Variants in LINGO2 observed in about 807,000 individuals in gnomAD.
LINGO2 encodes the protein leucine-rich repeat and immunoglobulin-like domain-containing nogo receptor-interacting protein 2.
In LINGO2, 14 loss-of-function variants were observed where a neutral mutation model predicts 30.6. The observed-to-expected ratio is 0.46, with a 90% CI of 0.30 to 0.72. The LOEUF is 0.72. LINGO2 is among the 30% of genes least tolerant of loss of function. The pLI, the probability that LINGO2 is intolerant of heterozygous loss-of-function variation, is 0.07. For synonymous variants in LINGO2, 317 were observed against 288.5 expected, an observed-to-expected ratio of 1.10 and a Z score of -1.00; for missense variants, 729 against 751.7, an observed-to-expected ratio of 0.97 and a Z score of 0.35.
At chr9:28,993,278 A>C in the LINGO2 span, among the ~76,000 whole-genome samples, 1 of 152,124 alleles carries the variant, frequency 6.6e-6, no homozygotes, top group South Asian at 2.1e-4. Flanking sequence ...GAAATGGATA[A>C]ATTCCTCGAC....
At chr9:29,089,455 A>T in the LINGO2 span, among the ~76,000 whole-genome samples, 10 of 152,040 alleles carry the variant, frequency 6.6e-5, no homozygotes, top group African/African-American at 2.4e-4. Context: ...ATAAATAATG[A>T]TATAAACTAA....
intron 1 of LINGO2, among the ~76,000 whole-genome samples, chr9:28,614,691 A>G (rs187422836): frequency 3.5e-4 from 54 of 152,276 alleles, no homozygotes; most frequent in African/African-American, 1.1e-3. Context: ...TTGCACCTCA[A>G]GCCTACTAGA....
At chr9:28,643,364 A>T (rs1827689058) in intron 1 of LINGO2, among the ~76,000 whole-genome samples, 2 of 152,064 alleles carry the variant, frequency 1.3e-5, no homozygotes, top group South Asian at 4.1e-4. Context: ...GGAACAGAAT[A>T]GAAGACCCCA....
intron 4 of LINGO2, among the ~76,000 whole-genome samples, chr9:28,260,008 A>G (rs1461121691): frequency 6.6e-6 from 1 of 151,818 alleles, no homozygotes; most frequent in Non-Finnish European, 1.5e-5. Context: ...ATTGTGCCCC[A>G]TGGACAACCC....
At chr9:27,943,546 T>C (rs552642773), downstream of LINGO2, 3 of 152,096 alleles carry the variant, frequency 2.0e-5, no homozygotes, top group Non-Finnish European at 1.5e-5. Flanking sequence ...AACCTGCAGA[T>C]TGCTGTCAGC....
the LINGO2 span, among the ~76,000 whole-genome samples, chr9:28,730,808 C>T: frequency 6.6e-6 from 1 of 152,212 alleles, no homozygotes; most frequent in East Asian, 1.9e-4. Context: ...GAATAGTTTT[C>T]TATTCTGAAA....
chr9:28,992,951 A>G, the LINGO2 span, among the ~76,000 whole-genome samples: 17 of 151,504 alleles, frequency 1.1e-4, no homozygotes, highest in Non-Finnish European at 2.1e-4. Context: ...CACAATTAAA[A>G]GAACTAGAAA....
In LINGO2 at chr9:28,169,384, G is replaced by C. The variant is rs569827687; in HGVS notation, c.-87+125824C>G. ...TTTTTACTGTATTTAAAGTACAGTA[G>C]TCCAGAATTTCCAATCAGAATAAGA... On this transcript the variant is annotated intron_variant, in intron 4 of 5. Transcript: ENST00000379992. Among the ~76,000 whole-genome samples the C allele has an allele frequency of 3.3e-5, 5 of 152,268 alleles. No individual in the cohort carries two copies. The South Asian group carries it at 8.3e-4, about 25-fold the overall frequency.
At chr9:28,056,344 T>A (rs897534155) in intron 4 of LINGO2, among the ~76,000 whole-genome samples, 1 of 152,164 alleles carries the variant, frequency 6.6e-6, no homozygotes. Flanking sequence ...CAGTTTGCTG[T>A]TTACTCGTAC....
intron 4 of LINGO2, among the ~76,000 whole-genome samples, chr9:28,245,809 G>C (rs1303251629): frequency 6.6e-6 from 1 of 152,056 alleles, no homozygotes; most frequent in East Asian, 1.9e-4. Context: ...CAAGCAAATG[G>C]AAAAACATTG....
the LINGO2 span, among the ~76,000 whole-genome samples, chr9:29,118,673 A>G: frequency 1.3e-5 from 2 of 152,094 alleles, no homozygotes; most frequent in Admixed American, 6.5e-5. Context: ...CTCAGCTCCA[A>G]ATCTACTTCT....
intron 1 of LINGO2, among the ~76,000 whole-genome samples, chr9:28,502,131 G>GACACACACACACAC (rs57545947): frequency 4.1e-5 from 6 of 147,028 alleles, no homozygotes; most frequent in South Asian, 2.2e-4. Context: ...GAGAAACACA[G>GACACACACACACAC]ACACACACAC....
intron 2 of LINGO2, among the ~76,000 whole-genome samples, chr9:28,454,239 A>G (rs1039962284): frequency 2.0e-5 from 3 of 152,034 alleles, no homozygotes; most frequent in African/African-American, 7.2e-5. Context: ...TACCAACACA[A>G]GTCACTTTTC....
the LINGO2 span, among the ~76,000 whole-genome samples, chr9:28,828,177 A>T: frequency 6.6e-6 from 1 of 151,930 alleles, no homozygotes. Flanking sequence ...TTATGAACAT[A>T]AATGTTACAT....
chr9:28,830,233 G>C, the LINGO2 span, among the ~76,000 whole-genome samples: 1 of 152,106 alleles, frequency 6.6e-6, no homozygotes, highest in Non-Finnish European at 1.5e-5. Context: ...TTGCTTCTTG[G>C]GCTGATGGAA....
intron 4 of LINGO2, among the ~76,000 whole-genome samples, chr9:28,044,409 C>G (rs1426919459): frequency 3.9e-5 from 6 of 152,202 alleles, no homozygotes; most frequent in Admixed American, 2.6e-4. Flanking sequence ...GGGAAGGAGA[C>G]AGTGGGGGCT....
At chr9:28,960,976 G>C in the LINGO2 span, among the ~76,000 whole-genome samples, 1 of 152,030 alleles carries the variant, frequency 6.6e-6, no homozygotes, top group South Asian at 2.1e-4. Context: ...CAGGAATGGA[G>C]GAAGCACCAT....
the LINGO2 span, among the ~76,000 whole-genome samples, chr9:28,699,042 A>AAAAACAAAAC: frequency 0.15 from 23,223 of 149,844 alleles, 2,078 homozygotes; most frequent in East Asian, 0.27. Context: ...ACCCTGCCTC[A>AAAAACAAAAC]AAAACAAAAC....
At position 27,949,323 on chromosome 9, in the gene LINGO2, C is replaced by T. The variant is rs750277332; in HGVS notation, c.1349G>A (p.Arg450His). 8.7e-6 allele frequency: 14 copies of T among 1,613,972 alleles called. No homozygotes were observed. The highest frequency in any genetic ancestry group is 1.7e-5 in the Admixed American group (1 of 60,010). The change falls in exon 6 of 6, where the codon CGT becomes CAT. Residue 450 changes from arginine (R) to histidine (H), a missense_variant. Arg to His is a conservative substitution (Grantham distance 29). Transcript: ENST00000379992. The stretch of plus-strand genomic sequence containing the variant: ...TCCATTGGACTTGGTGGTGATGAAA[C>T]GCCTTCGGGGTGTCACCCAGGAAAT...
Sources: gnomAD v4.1 joint callset for allele counts (sites outside exome capture counted in the v4.1 genomes callset) on GRCh38, gnomAD v4.1.1 for gene constraint, MANE v1.5 for transcripts, NCBI Gene and HGNC (gene_info 2026-07-23, HGNC 2026-07-21) for gene names.